The following CENPP variants were observed in gnomAD, a reference collection of about 807,000 sequenced individuals.
The protein encoded by CENPP is centromere protein P.
In CENPP, 24 loss-of-function variants were observed where a neutral mutation model predicts 35.6. The observed-to-expected ratio is 0.67, with a 90% CI of 0.49 to 0.95. The LOEUF is 0.95. Among genes scored for constraint, CENPP ranks in the 40% least tolerant of loss-of-function variants. The pLI, the probability that CENPP is intolerant of heterozygous loss-of-function variation, is 0.00. For synonymous variants in CENPP, 120 were observed against 125.5 expected (o/e 0.96, Z 0.29); for missense variants, 332 against 345.3 (o/e 0.96, Z 0.31).
At chr9:92,570,687 G>A (rs879366536) in intron 5 of CENPP, among the ~76,000 whole-genome samples, 3 of 152,168 alleles carry the variant, frequency 2.0e-5, no homozygotes, top group Admixed American at 6.5e-5. Context: ...GGTAGAATTC[G>A]GCTGTGAATC....
At chr9:92,488,134 A>C (rs1846103306) in intron 5 of CENPP, among the ~76,000 whole-genome samples, 3 of 152,242 alleles carry the variant, frequency 2.0e-5, no homozygotes, top group Admixed American at 2.0e-4. Flanking sequence ...CGGTGGGTTT[A>C]TCAGGGTGTA....
At chr9:92,553,535 T>C (rs990734015) in intron 5 of CENPP, among the ~76,000 whole-genome samples, 1 of 152,336 alleles carries the variant, frequency 6.6e-6, no homozygotes, top group East Asian at 1.9e-4. Flanking sequence ...TACCCATCCA[T>C]GAGCATGGGA....
chr9:92,331,040 A>G (rs1048396177), intron 1 of CENPP, among the ~76,000 whole-genome samples: 1 of 152,120 alleles, frequency 6.6e-6, no homozygotes, highest in African/African-American at 2.4e-5. Context: ...TATGTTCTCA[A>G]TGAAGAATGT....
intron 5 of CENPP, chr9:92,514,671 T>C: frequency 6.2e-7 from 1 of 1,604,146 alleles, no homozygotes; most frequent in Middle Eastern, 1.7e-4. Flanking sequence ...CTGTCAGCGG[T>C]GGTATCTGGG....
intron 5 of CENPP, among the ~76,000 whole-genome samples, chr9:92,388,248 G>A (rs1307277936): frequency 1.3e-5 from 2 of 150,840 alleles, no homozygotes; most frequent in African/African-American, 2.4e-5. Context: ...TGCAACTTCT[G>A]CCTCCCAGGT....
intron 5 of CENPP, among the ~76,000 whole-genome samples, chr9:92,555,006 G>T (rs957000716): frequency 2.2e-5 from 3 of 137,156 alleles, no homozygotes; most frequent in Non-Finnish European, 4.6e-5. Context: ...TGTATTGTTT[G>T]TTGTTGTTGT....
chr9:92,417,437 G>A, intron 5 of CENPP: 1 of 1,613,992 alleles, frequency 6.2e-7, no homozygotes, highest in South Asian at 1.1e-5. Flanking sequence ...TGGGAATCCT[G>A]TTTGGTAATC....
intron 5 of CENPP, among the ~76,000 whole-genome samples, chr9:92,592,650 T>C (rs111927832): frequency 0.011 from 1,703 of 152,326 alleles, 35 homozygotes; most frequent in African/African-American, 0.038. Context: ...CTGAATCATG[T>C]CATATACATA....
intron 4 of CENPP, among the ~76,000 whole-genome samples, chr9:92,377,944 G>C (rs1360968536): frequency 2.0e-5 from 3 of 152,042 alleles, no homozygotes; most frequent in East Asian, 3.9e-4. Context: ...TTGTCTGAAG[G>C]CTCCTCTTCT....
At chr9:92,510,505 CTAAT>C (rs1380566769) in intron 5 of CENPP, among the ~76,000 whole-genome samples, 24 of 152,306 alleles carry the variant, frequency 1.6e-4, no homozygotes, top group South Asian at 4.1e-4. Flanking sequence ...TAAAATAACA[CTAAT>C]TACTGTGGAA....
chr9:92,481,517 G>A (rs146109583), intron 5 of CENPP, among the ~76,000 whole-genome samples: 194 of 152,210 alleles, frequency 1.3e-3, no homozygotes, highest in African/African-American at 4.3e-3. Flanking sequence ...AATGCTGTGC[G>A]CTATTTAGAT....
intron 5 of CENPP, among the ~76,000 whole-genome samples, chr9:92,437,091 A>G (rs1054439277): frequency 8.5e-5 from 13 of 152,134 alleles, no homozygotes; most frequent in African/African-American, 2.9e-4. Context: ...AATCCCAGCT[A>G]CTTAGGAGGC....
chr9:92,582,180 A>G (rs1850442108), intron 5 of CENPP, among the ~76,000 whole-genome samples: 1 of 152,044 alleles, frequency 6.6e-6, no homozygotes, highest in Non-Finnish European at 1.5e-5. Context: ...CCGCCTCCCA[A>G]GTAGCTGAGA....
intron 6 of CENPP, 28 bp from the exon 7 acceptor site, chr9:92,612,495 A>G (rs374556819): frequency 7.0e-5 from 109 of 1,557,034 alleles, no homozygotes; most frequent in Non-Finnish European, 9.0e-5. Context: ...CAAAAAGCAC[A>G]TAACGACATG....
intron 7 of CENPP, 60 bp from the exon 8 acceptor site, chr9:92,612,959 A>G: frequency 6.2e-7 from 1 of 1,606,770 alleles, no homozygotes; most frequent in Non-Finnish European, 8.5e-7. Context: ...CCAGCAGAAA[A>G]CAAAAGACCA....
intron 5 of CENPP, chr9:92,457,160 T>C: frequency 7.0e-7 from 1 of 1,424,758 alleles, no homozygotes; most frequent in Non-Finnish European, 9.2e-7. Context: ...AATAAGTCAG[T>C]GGACTTACCA....
At chr9:92,345,649 T>G in intron 3 of CENPP, 50 bp from the exon 4 acceptor site, 1 of 998,090 alleles carries the variant, frequency 1.0e-6, no homozygotes, top group Non-Finnish European at 1.6e-6. Context: ...TATTTTTGTC[T>G]TTTTGAAGTT....
chr9:92,476,349 C>T lies in CENPP; in HGVS notation c.564+96490C>T, dbSNP rs1845714521. On this transcript the variant is annotated intron_variant, in intron 5 of 7. Coordinates refer to ENST00000375587, the MANE Select transcript of CENPP (RefSeq NM_001012267.3). The surrounding 1 kb of genome is among the most constrained non-coding windows in gnomAD (Gnocchi z 4.1). ...CCTGCTTTTTCCTGGATTTAAAAATCAAGAATGAATTCATTAACTTAATAA... is the reference window on the plus strand; with the variant it reads ...CCTGCTTTTTCCTGGATTTAAAAATTAAGAATGAATTCATTAACTTAATAA... Among the ~76,000 whole-genome samples, 1 of 152,172 alleles carries T rather than the reference C, an allele frequency of 6.6e-6. No individual in the cohort carries two copies. The highest frequency in any genetic ancestry group is 6.5e-5 in the Admixed American group (1 of 15,272).
At chr9:92,525,144 C>T (rs1848312174) in intron 5 of CENPP, among the ~76,000 whole-genome samples, 2 of 152,006 alleles carry the variant, frequency 1.3e-5, no homozygotes, top group African/African-American at 4.8e-5. Flanking sequence ...ATAGCAAGAC[C>T]TTGTCTCAAC....
Sources: allele counts gnomAD v4.1 joint callset (sites outside exome capture counted in the v4.1 genomes callset), GRCh38; gene constraint gnomAD v4.1.1; non-coding constraint Gnocchi (gnomAD v3.1); transcripts MANE v1.5; gene names NCBI Gene and HGNC (gene_info 2026-07-23, HGNC 2026-07-21).